The following RRAGC variants were observed in gnomAD, a reference collection of about 807,000 sequenced individuals.
RRAGC encodes Ras related GTP binding C.
A neutral mutation model predicts 37.1 loss-of-function variants in RRAGC; 8 were observed. That is an observed-to-expected ratio of 0.22 (90% confidence interval 0.13 to 0.39). The LOEUF (loss-of-function observed/expected upper bound fraction) is 0.39, where lower values mean the gene tolerates loss of function less well. Ranked by LOEUF, RRAGC falls within the 10% of genes least tolerant of loss-of-function variation. The pLI, the probability that RRAGC is intolerant of heterozygous loss-of-function variation, is 1.00. For missense variants in RRAGC, 342 were observed against 497.6 expected, an observed-to-expected ratio of 0.69 and a Z score of 2.98; for synonymous variants, 190 against 181.1, an observed-to-expected ratio of 1.05 and a Z score of -0.39.
In RRAGC at chr1:38,859,548, C is replaced by T; in HGVS notation, c.99G>A (p.Glu33=). The change falls in exon 1 of 7, where the codon GAG becomes GAA. Residue 33 remains glutamate (E), a synonymous_variant. Transcript: ENST00000373001. Reference sequence around the variant, plus strand: ...CGCCCGCCGCCGCCGCCTCCTCTTCCTCCTCCTCCACGCCGTAGCCGAAGT... The same window carrying T: ...CGCCCGCCGCCGCCGCCTCCTCTTCTTCCTCCTCCACGCCGTAGCCGAAGT... ...PKDFGYGVEE[E]EEEAAAAGGG... 1.3e-6 allele frequency: 2 copies of T among 1,550,668 alleles called. No individual in the cohort carries two copies. The highest frequency in any genetic ancestry group is 1.7e-6 in the Non-Finnish European group (2 of 1,147,840).
At chr1:38,859,365 T>C in intron 1 of RRAGC, 45 bp downstream of exon 1, 2 of 1,523,168 alleles carry the variant, frequency 1.3e-6, no homozygotes, top group Non-Finnish European at 8.9e-7. Flanking sequence ...ACCGGCCACC[T>C]GAGAACCGGG....
rs1217275113 is a variant in RRAGC at position 38,845,115 on chromosome 1, C to T, written c.1048+824G>A. The stretch of plus-strand genomic sequence containing the variant: ...AGAAATACCATTTGACTCAGCAATC[C>T]TGTTACTGGGTATATACCCAAGGGA... On this transcript the variant is annotated intron_variant, in intron 6 of 6. Coordinates refer to ENST00000373001, the MANE Select transcript of RRAGC (RefSeq NM_022157.4). 4.6e-5 allele frequency among the ~76,000 whole-genome samples: 7 copies of T among 152,256 alleles called. No individual in the cohort carries two copies. The East Asian group carries it at 1.2e-3, about 25-fold the overall frequency.
chr1:38,844,448 G>GAAAAAAAAA (rs770037090), intron 6 of RRAGC, among the ~76,000 whole-genome samples: 1 of 98,144 alleles, frequency 1.0e-5, no homozygotes. Flanking sequence ...CAGGACTGAG[G>GAAAAAAAAA]AAAAAAAAAA....
At chr1:38,858,488 A>T (rs1318395831) in intron 1 of RRAGC, among the ~76,000 whole-genome samples, 1 of 152,206 alleles carries the variant, frequency 6.6e-6, no homozygotes, top group Non-Finnish European at 1.5e-5. Flanking sequence ...ACTTGAGGTC[A>T]GCAGTTCGAG....
intron 6 of RRAGC, among the ~76,000 whole-genome samples, chr1:38,843,925 T>G (rs78397133): frequency 0.013 from 1,974 of 152,260 alleles, 21 homozygotes; most frequent in Middle Eastern, 0.027. Flanking sequence ...GCAGCACCAC[T>G]GGCCTGAAGC....
chr1:38,854,174 T>A (rs1273472658), intron 3 of RRAGC, among the ~76,000 whole-genome samples: 1 of 151,244 alleles, frequency 6.6e-6, no homozygotes, highest in Admixed American at 6.6e-5. Context: ...TTCAAGCGAT[T>A]CTCCTCTCTC....
chr1:38,844,876 G>C (rs1642009608), intron 6 of RRAGC, among the ~76,000 whole-genome samples: 1 of 152,184 alleles, frequency 6.6e-6, no homozygotes, highest in Non-Finnish European at 1.5e-5. Flanking sequence ...ATGAAAAAAA[G>C]CTCATCACCA....
chr1:38,849,112 A>AG (rs57717310), intron 5 of RRAGC, among the ~76,000 whole-genome samples: 1 of 151,594 alleles, frequency 6.6e-6, no homozygotes, highest in African/African-American at 2.4e-5. Context: ...AAAAAAAAAA[A>AG]GAAAAAAAAA....
In RRAGC at chr1:38,839,470, C is replaced by T; in HGVS notation, c.*83G>A. 3.4e-6 allele frequency: 5 copies of T among 1,464,854 alleles called. No individual in the cohort carries two copies. The highest frequency in any genetic ancestry group is 4.6e-6 in the Non-Finnish European group (5 of 1,076,740). 90.7% of individuals were successfully genotyped at this position (1,464,854 alleles called of 1,614,324 possible). ...ACAGGCACCAGATTCCCACAAGCAGCAGCTCCCATGTCCTGTAGCACGTGG... is the reference window on the plus strand; with the variant it reads ...ACAGGCACCAGATTCCCACAAGCAGTAGCTCCCATGTCCTGTAGCACGTGG... On this transcript the variant is annotated 3_prime_UTR_variant, in exon 7 of 7. Coordinates refer to ENST00000373001, the MANE Select transcript of RRAGC (RefSeq NM_022157.4).
chr1:38,846,199 C>T (rs1385728391), intron 5 of RRAGC, 112 bp from the exon 6 acceptor site: 3 of 813,650 alleles, frequency 3.7e-6, no homozygotes, highest in Non-Finnish European at 6.1e-6. Flanking sequence ...GGAAAGAATA[C>T]TGGCTTAAAC....
At chr1:38,842,463 A>AT (rs1021917333) in intron 6 of RRAGC, among the ~76,000 whole-genome samples, 8 of 152,220 alleles carry the variant, frequency 5.3e-5, no homozygotes, top group Non-Finnish European at 1.2e-4. Context: ...TGAGAATCAA[A>AT]TAAGATACCC....
At chr1:38,855,099 G>C (rs1642151738) in intron 3 of RRAGC, among the ~76,000 whole-genome samples, 1 of 152,082 alleles carries the variant, frequency 6.6e-6, no homozygotes, top group Non-Finnish European at 1.5e-5. Flanking sequence ...TTTAATAGCA[G>C]CCTTATGCAC....
chr1:38,846,340 CAT>C, intron 5 of RRAGC: 1 of 362,472 alleles, frequency 2.8e-6, no homozygotes, highest in Non-Finnish European at 4.9e-6. Context: ...AAGGTGCAAA[CAT>C]ATGTATATCT....
chr1:38,851,516 T>A (rs1053242696), intron 5 of RRAGC, 99 bp downstream of exon 5: 34 of 1,082,630 alleles, frequency 3.1e-5, no homozygotes, highest in Middle Eastern at 3.1e-4. Flanking sequence ...GTTCATGTAG[T>A]ACCACTTGCC....
intron 1 of RRAGC, among the ~76,000 whole-genome samples, chr1:38,857,934 T>C (rs955558403): frequency 1.3e-5 from 2 of 151,962 alleles, no homozygotes; most frequent in African/African-American, 4.8e-5. Context: ...CCCTCCAGCC[T>C]GGGCGATGAG....
chr1:38,845,609 G>A (rs1642018861), intron 6 of RRAGC, among the ~76,000 whole-genome samples: 1 of 152,166 alleles, frequency 6.6e-6, no homozygotes. Flanking sequence ...ATGTATCCCA[G>A]AACTTAAAGT....
rs138497743 is a variant in RRAGC at position 38,856,903 on chromosome 1, T to C, written c.417A>G (p.Ala139=). Residue 139 remains alanine (A), a synonymous_variant, in exon 2 of 7, where the codon GCA becomes GCG. Coordinates refer to ENST00000373001, the MANE Select transcript of RRAGC (RefSeq NM_022157.4). The stretch of plus-strand genomic sequence containing the variant: ...CCTGTGCGTCAATGACGTATATCAA[T>C]GCTCCTGTTCCCCTGAAGATCATCT... ...DYEMIFRGTG[A]LIYVIDAQDD... is the part of the protein sequence containing the mutation. 100 of 1,614,062 alleles carry C rather than the reference T, an allele frequency of 6.2e-5. No individual in the cohort carries two copies. In the Middle Eastern group the frequency reaches 6.6e-4, roughly 11 times the overall value.
chr1:38,850,894 T>C (rs898533363), intron 5 of RRAGC, among the ~76,000 whole-genome samples: 1 of 152,086 alleles, frequency 6.6e-6, no homozygotes, highest in Non-Finnish European at 1.5e-5. Flanking sequence ...GGTCTCCAAC[T>C]CCTGGCCCCA....
chr1:38,854,106 C>T (rs532017215), intron 3 of RRAGC, among the ~76,000 whole-genome samples: 3 of 133,634 alleles, frequency 2.2e-5, no homozygotes, highest in African/African-American at 8.5e-5. Flanking sequence ...CTTGCTCTGT[C>T]ACCCAGGCTG....
Sources: allele counts gnomAD v4.1 joint callset (sites outside exome capture counted in the v4.1 genomes callset), GRCh38; gene constraint gnomAD v4.1.1; transcripts MANE v1.5; gene names NCBI Gene and HGNC (gene_info 2026-07-23, HGNC 2026-07-21).